Variants in PPARGC1A observed in about 807,000 individuals in gnomAD.
The protein encoded by PPARGC1A is PPARG coactivator 1 alpha.
PPARGC1A carries 25 observed loss-of-function variants against 88.7 expected under a neutral mutation model. That is an observed-to-expected ratio of 0.28 (90% confidence interval 0.21 to 0.39). PPARGC1A has a LOEUF of 0.39. PPARGC1A is among the 10% of genes least tolerant of loss of function. The pLI, the probability that PPARGC1A is intolerant of heterozygous loss-of-function variation, is 1.00. For missense variants in PPARGC1A, 880 were observed against 968.7 expected (o/e 0.91, Z 1.22); for synonymous variants, 363 against 355.6 (o/e 1.02, Z -0.24).
the PPARGC1A span, among the ~76,000 whole-genome samples, chr4:24,442,628 G>GT: frequency 1.3e-5 from 2 of 152,110 alleles, no homozygotes; most frequent in Non-Finnish European, 2.9e-5. Flanking sequence ...ATAGTAATCT[G>GT]TTTTTTGGCA....
At chr4:24,171,352 G>A in the PPARGC1A span, among the ~76,000 whole-genome samples, 1 of 151,908 alleles carries the variant, frequency 6.6e-6, no homozygotes, top group African/African-American at 2.4e-5. Context: ...GTTGCAGTGA[G>A]CAGAGATCGC....
At chr4:24,278,898 C>T in the PPARGC1A span, among the ~76,000 whole-genome samples, 1 of 152,164 alleles carries the variant, frequency 6.6e-6, no homozygotes, top group African/African-American at 2.4e-5. Context: ...AACACTCTCC[C>T]CTAGGTCACT....
At chr4:24,435,985 G>A in the PPARGC1A span, among the ~76,000 whole-genome samples, 1 of 152,150 alleles carries the variant, frequency 6.6e-6, no homozygotes, top group Non-Finnish European at 1.5e-5. Flanking sequence ...ACTCTTGTTT[G>A]TCAGTTTAGT....
the PPARGC1A span, among the ~76,000 whole-genome samples, chr4:24,219,797 C>A: frequency 2.0e-5 from 3 of 152,112 alleles, no homozygotes; most frequent in Non-Finnish European, 2.9e-5. Context: ...AGGCCACTTC[C>A]ACATTCTGAA....
the PPARGC1A span, among the ~76,000 whole-genome samples, chr4:24,125,115 G>A: frequency 1.3e-5 from 2 of 152,128 alleles, no homozygotes; most frequent in Admixed American, 6.6e-5. Flanking sequence ...ATCTCAAAAT[G>A]TATTTTATGA....
the PPARGC1A span, among the ~76,000 whole-genome samples, chr4:24,110,179 C>T: frequency 6.6e-6 from 1 of 152,188 alleles, no homozygotes; most frequent in Non-Finnish European, 1.5e-5. Flanking sequence ...GCCATCTGGT[C>T]TACCCTACCC....
At chr4:24,442,524 AAC>A in the PPARGC1A span, among the ~76,000 whole-genome samples, 1 of 152,254 alleles carries the variant, frequency 6.6e-6, no homozygotes, top group Non-Finnish European at 1.5e-5. Context: ...GTTCATAAAT[AAC>A]AGTTTTAATA....
chr4:24,300,549 G>A, the PPARGC1A span, among the ~76,000 whole-genome samples: 1 of 151,438 alleles, frequency 6.6e-6, no homozygotes, highest in Non-Finnish European at 1.5e-5. Flanking sequence ...TTTCACCTTT[G>A]GCAGTAAGCT....
At chr4:24,088,146 C>T in the PPARGC1A span, among the ~76,000 whole-genome samples, 9 of 151,718 alleles carry the variant, frequency 5.9e-5, no homozygotes, top group Admixed American at 5.9e-4. Context: ...CCCAGGAGTT[C>T]AAGATTAGTC....
chr4:23,955,452 C>T, the PPARGC1A span, among the ~76,000 whole-genome samples: 2 of 152,020 alleles, frequency 1.3e-5, no homozygotes, highest in African/African-American at 4.8e-5. Context: ...TTATTAATAT[C>T]ATTATTCATG....
the PPARGC1A span, among the ~76,000 whole-genome samples, chr4:24,033,666 GA>G: frequency 0.26 from 39,435 of 151,622 alleles, 5,972 homozygotes; most frequent in African/African-American, 0.4. Context: ...TGTTAAAAAA[GA>G]AAAAAAACAC....
At chr4:23,876,294 G>A (rs908188052) in intron 2 of PPARGC1A, among the ~76,000 whole-genome samples, 1 of 152,180 alleles carries the variant, frequency 6.6e-6, no homozygotes, top group Non-Finnish European at 1.5e-5. Flanking sequence ...TCCTATTATA[G>A]TGCTGGAGCA....
At chr4:24,050,991 T>G in the PPARGC1A span, among the ~76,000 whole-genome samples, 5 of 151,778 alleles carry the variant, frequency 3.3e-5, no homozygotes, top group Admixed American at 6.6e-5. Context: ...ATGGAGACCA[T>G]CCTGGCTAAC....
At chr4:24,272,529 T>C in the PPARGC1A span, among the ~76,000 whole-genome samples, 1 of 152,202 alleles carries the variant, frequency 6.6e-6, no homozygotes, top group African/African-American at 2.4e-5. Flanking sequence ...AGAAAAAATC[T>C]TGTGTGAAAT....
the PPARGC1A span, among the ~76,000 whole-genome samples, chr4:24,401,021 T>TC: frequency 1.2e-4 from 17 of 136,662 alleles, 1 homozygote; most frequent in South Asian, 5.0e-4. Flanking sequence ...TTTTCTTTTT[T>TC]TTTTTTTTTT....
chr4:23,849,466 T>C (rs1318895657), intron 2 of PPARGC1A, among the ~76,000 whole-genome samples: 2 of 152,132 alleles, frequency 1.3e-5, no homozygotes, highest in Admixed American at 6.5e-5. Flanking sequence ...CTCACAGATA[T>C]TGCCTTCAAT....
chr4:24,201,369 T>A, the PPARGC1A span, among the ~76,000 whole-genome samples: 1 of 152,088 alleles, frequency 6.6e-6, no homozygotes, highest in African/African-American at 2.4e-5. Flanking sequence ...ACACAAACAC[T>A]TTGGATAGAA....
rs557573853 is a variant in PPARGC1A, at chr4:23,856,566, T to C, written c.235-24815A>G. On this transcript the variant is annotated intron_variant, in intron 2 of 12. Coordinates refer to ENST00000264867, the MANE Select transcript of PPARGC1A (RefSeq NM_013261.5). Reference sequence around the variant, plus strand: ...ATTGCTTTTGAAAATTATGCACTAATGATAGCCACTCAGCAAGTAGCTTAG... The same window carrying C: ...ATTGCTTTTGAAAATTATGCACTAACGATAGCCACTCAGCAAGTAGCTTAG... Among the ~76,000 whole-genome samples the C allele has an allele frequency of 1.5e-4, 23 of 152,332 alleles. No homozygotes were observed. In the South Asian group the frequency reaches 4.8e-3, roughly 32 times the overall value.
At chr4:24,046,580 C>T in the PPARGC1A span, among the ~76,000 whole-genome samples, 36 of 152,164 alleles carry the variant, frequency 2.4e-4, 1 homozygote, top group African/African-American at 8.4e-4. Context: ...AGTGACTGTC[C>T]TTTGTGCTCA....
Sources: allele counts gnomAD v4.1 joint callset (sites outside exome capture counted in the v4.1 genomes callset), GRCh38; gene constraint gnomAD v4.1.1; transcripts MANE v1.5; gene names NCBI Gene and HGNC (gene_info 2026-07-23, HGNC 2026-07-21).